Variants in GRIK2 observed in about 807,000 individuals in gnomAD.
The protein encoded by GRIK2 is glutamate receptor ionotropic, kainate 2.
Under a neutral mutation model 100.3 loss-of-function variants are expected in GRIK2, and 32 were observed. The observed-to-expected ratio is 0.32, with a 90% CI of 0.24 to 0.43. The LOEUF is 0.43. GRIK2 is among the 20% of genes least tolerant of loss of function. The pLI is 1.00. For synonymous variants in GRIK2, 417 were observed against 389.4 expected (o/e 1.07, Z -0.83); for missense variants, 843 against 1,114.9 (o/e 0.76, Z 3.47).
chr6:101,891,909 C>A (rs1787125287), intron 12 of GRIK2, among the ~76,000 whole-genome samples: 1 of 152,098 alleles, frequency 6.6e-6, no homozygotes, highest in Non-Finnish European at 1.5e-5. Flanking sequence ...ACAGACACAG[C>A]CACTCTAGTT....
chr6:101,589,614 G>C (rs1407462760), intron 2 of GRIK2, among the ~76,000 whole-genome samples: 2 of 152,218 alleles, frequency 1.3e-5, no homozygotes, highest in Non-Finnish European at 2.9e-5. Flanking sequence ...TAATCCATGA[G>C]GATAGTTTTA....
chr6:101,447,660 A>G (rs576977601), intron 2 of GRIK2, among the ~76,000 whole-genome samples: 1 of 151,830 alleles, frequency 6.6e-6, no homozygotes, highest in Admixed American at 6.6e-5. Context: ...CATCTTTACA[A>G]TATCTCTCAC....
At chr6:101,736,169 C>G (rs1001237225) in intron 7 of GRIK2, among the ~76,000 whole-genome samples, 1 of 152,308 alleles carries the variant, frequency 6.6e-6, no homozygotes, top group African/African-American at 2.4e-5. Context: ...CAGAGTACAG[C>G]CTCCCTCATG....
At chr6:101,895,474 A>G (rs1480321186) in intron 12 of GRIK2, among the ~76,000 whole-genome samples, 1 of 151,746 alleles carries the variant, frequency 6.6e-6, no homozygotes, top group Admixed American at 6.6e-5. Flanking sequence ...TTACATTAAC[A>G]GCTTTGATCT....
chr6:101,932,794 A>G (rs1340281), intron 14 of GRIK2, among the ~76,000 whole-genome samples: 5,208 of 151,980 alleles, frequency 0.034, 316 homozygotes, highest in African/African-American at 0.12. Context: ...TGCTTAACAA[A>G]CAGCCAAAAA....
chr6:101,822,447 C>T (rs2518191), intron 10 of GRIK2, among the ~76,000 whole-genome samples: 29,916 of 151,492 alleles, frequency 0.2, 4,814 homozygotes, highest in East Asian at 0.65. Flanking sequence ...GTATTCTAGG[C>T]GAAGAGAACA....
intron 14 of GRIK2, among the ~76,000 whole-genome samples, chr6:101,962,005 A>G (rs1336809867): frequency 6.6e-6 from 1 of 152,146 alleles, no homozygotes; most frequent in Non-Finnish European, 1.5e-5. Context: ...TTTGCCCTCA[A>G]GAAATTTGTA....
intron 14 of GRIK2, among the ~76,000 whole-genome samples, chr6:101,964,329 G>A (rs912530019): frequency 5.9e-5 from 9 of 152,092 alleles, no homozygotes; most frequent in East Asian, 1.9e-4. Context: ...AATTGTGAAT[G>A]TTTCACTGGA....
chr6:102,012,039 T>G (rs1446662792), intron 14 of GRIK2, among the ~76,000 whole-genome samples: 1 of 152,240 alleles, frequency 6.6e-6, no homozygotes, highest in Admixed American at 6.5e-5. Flanking sequence ...TTGTATTATT[T>G]TTTGTGAAAC....
chr6:101,822,245 A>AC (rs1782004777), intron 10 of GRIK2, among the ~76,000 whole-genome samples: 1 of 116,140 alleles, frequency 8.6e-6, no homozygotes, highest in Non-Finnish European at 1.8e-5. Flanking sequence ...CACACACACA[A>AC]ACACATACAA....
intron 2 of GRIK2, among the ~76,000 whole-genome samples, chr6:101,532,339 C>A (rs551052281): frequency 6.6e-6 from 1 of 152,074 alleles, no homozygotes; most frequent in South Asian, 2.1e-4. Flanking sequence ...TAGGTCTGAT[C>A]ACTCCTCTTA....
intron 11 of GRIK2, among the ~76,000 whole-genome samples, chr6:101,871,714 C>A (rs1785429838): frequency 6.6e-6 from 1 of 152,052 alleles, no homozygotes; most frequent in East Asian, 1.9e-4. Flanking sequence ...TGATTTTGTC[C>A]TTTTTTATGG....
At chr6:101,482,714 G>A (rs1772597573) in intron 2 of GRIK2, among the ~76,000 whole-genome samples, 1 of 152,044 alleles carries the variant, frequency 6.6e-6, no homozygotes, top group Non-Finnish European at 1.5e-5. Context: ...TAAGAAATAG[G>A]AGGCCTGAAT....
intron 14 of GRIK2, among the ~76,000 whole-genome samples, chr6:102,024,204 T>C (rs1331387191): frequency 6.6e-6 from 1 of 150,794 alleles, no homozygotes; most frequent in Admixed American, 6.6e-5. Flanking sequence ...TGAAGGACTC[T>C]GAGTGACTTG....
chr6:101,458,633 G>A (rs1200282806), intron 2 of GRIK2, among the ~76,000 whole-genome samples: 2 of 152,104 alleles, frequency 1.3e-5, no homozygotes, highest in Non-Finnish European at 2.9e-5. Flanking sequence ...TTATCTGCCT[G>A]GCACAAAAGA....
At chr6:101,568,101 A>G (rs11758034) in intron 2 of GRIK2, among the ~76,000 whole-genome samples, 8,524 of 152,022 alleles carry the variant, frequency 0.056, 337 homozygotes, top group South Asian at 0.11. Flanking sequence ...TGAAAAAAAG[A>G]AGTACTTTTG....
intron 4 of GRIK2, among the ~76,000 whole-genome samples, chr6:101,651,963 C>T (rs933653633): frequency 1.3e-5 from 2 of 151,900 alleles, no homozygotes; most frequent in African/African-American, 4.8e-5. Context: ...TGTGGGGTAC[C>T]CTGAAAGTCA....
intron 4 of GRIK2, among the ~76,000 whole-genome samples, chr6:101,641,259 A>G (rs1227771611): frequency 6.6e-6 from 1 of 152,102 alleles, no homozygotes; most frequent in Non-Finnish European, 1.5e-5. Context: ...CTAATTAATT[A>G]CATGTGCAAT....
At chr6:101,785,252 A>C (rs1163759854) in intron 7 of GRIK2, among the ~76,000 whole-genome samples, 1 of 152,038 alleles carries the variant, frequency 6.6e-6, no homozygotes, top group East Asian at 1.9e-4. Context: ...CTACCATTCA[A>C]CAGGTTATCT....
Sources: gnomAD v4.1 joint callset for allele counts (sites outside exome capture counted in the v4.1 genomes callset) on GRCh38, gnomAD v4.1.1 for gene constraint, MANE v1.5 for transcripts, NCBI Gene and HGNC (gene_info 2026-07-23, HGNC 2026-07-21) for gene names.